Variants in COL22A1 observed in about 807,000 individuals in gnomAD.
COL22A1 encodes the protein collagen type XXII alpha 1 chain.
COL22A1 carries 221 observed loss-of-function variants against 248.9 expected under a neutral mutation model. The observed-to-expected ratio is 0.89, with a 90% confidence interval of 0.80 to 0.99. The LOEUF is 0.99. Ranked by LOEUF, COL22A1 falls within the 50% of genes least tolerant of loss-of-function variation. The pLI is 0.00. For synonymous variants in COL22A1, 891 were observed against 793.4 expected, an observed-to-expected ratio of 1.12 and a Z score of -2.07; for missense variants, 2,240 against 2,179.0, an observed-to-expected ratio of 1.03 and a Z score of -0.56.
intron 12 of COL22A1, among the ~76,000 whole-genome samples, chr8:138,784,637 A>G (rs1234122083): frequency 6.6e-6 from 1 of 152,204 alleles, no homozygotes; most frequent in Non-Finnish European, 1.5e-5. Flanking sequence ...AATATTAATC[A>G]TAGTGTATTA....
chr8:138,608,123 A>G, intron 56 of COL22A1, 134 bp from the exon 57 acceptor site: 1 of 612,786 alleles, frequency 1.6e-6, no homozygotes, highest in East Asian at 2.9e-5. Context: ...CTCTCAGTCT[A>G]CCACTTCATT....
intron 30 of COL22A1, among the ~76,000 whole-genome samples, chr8:138,712,744 ACAGAGGGTACATGTTCTATCAG>A (rs1298136853): frequency 1.3e-5 from 2 of 151,132 alleles, no homozygotes; most frequent in South Asian, 2.1e-4. Flanking sequence ...TGTTCTACCA[ACAGAGGGTACATGTTCTATCAG>A]CAGAGGGTAC....
chr8:138,814,813 T>C (rs1818543302), intron 7 of COL22A1, among the ~76,000 whole-genome samples: 1 of 152,152 alleles, frequency 6.6e-6, no homozygotes, highest in Non-Finnish European at 1.5e-5. Flanking sequence ...GATAACTTGT[T>C]ACACAGCCAC....
intron 13 of COL22A1, 102 bp downstream of exon 13, chr8:138,780,825 T>C: frequency 1.1e-6 from 1 of 939,552 alleles, no homozygotes; most frequent in Non-Finnish European, 1.8e-6. Flanking sequence ...CACTCAAGTC[T>C]GGCCCTGGCA....
chr8:138,647,637 T>C (rs1267282073), intron 46 of COL22A1, among the ~76,000 whole-genome samples: 1 of 152,186 alleles, frequency 6.6e-6, no homozygotes, highest in African/African-American at 2.4e-5. Flanking sequence ...AGTTCTGTAA[T>C]ACCTGGAGTG....
At chr8:138,640,801 A>G (rs1457945058) in intron 47 of COL22A1, among the ~76,000 whole-genome samples, 3 of 152,138 alleles carry the variant, frequency 2.0e-5, no homozygotes, top group Non-Finnish European at 4.4e-5. Context: ...TCTTTTTCAG[A>G]TGAGGGACCC....
At chr8:138,876,416 C>T (rs1823721443) in intron 3 of COL22A1, among the ~76,000 whole-genome samples, 1 of 152,188 alleles carries the variant, frequency 6.6e-6, no homozygotes. Flanking sequence ...TTTTATGTGG[C>T]TTTCCTGCCT....
chr8:138,728,893 C>T (rs75612579), intron 23 of COL22A1, among the ~76,000 whole-genome samples: 1,573 of 152,174 alleles, frequency 0.01, 29 homozygotes, highest in African/African-American at 0.035. Flanking sequence ...TGATGAGCTG[C>T]CAGGTTTGGG....
chr8:138,797,125 T>C (rs1441924610), intron 11 of COL22A1, among the ~76,000 whole-genome samples: 1 of 152,228 alleles, frequency 6.6e-6, no homozygotes, highest in African/African-American at 2.4e-5. Flanking sequence ...GCATACCATA[T>C]AATTCACCTA....
intron 47 of COL22A1, among the ~76,000 whole-genome samples, chr8:138,641,754 T>C (rs1821730000): frequency 1.3e-5 from 2 of 152,296 alleles, no homozygotes; most frequent in Non-Finnish European, 2.9e-5. Flanking sequence ...CTCTTGGCAG[T>C]GCAGGAGACC....
chr8:138,902,622 C>T lies in COL22A1; in HGVS notation c.-73+10997G>A, dbSNP rs550485338. ...TCGGGAGGTTGAGGCAAGAGAATGG[C>T]GTGAACCTGGGAGGCAGAGGTTGCA... On this transcript the variant is annotated intron_variant, in intron 1 of 64. Coordinates refer to ENST00000303045, the MANE Select transcript of COL22A1 (RefSeq NM_152888.3). Among the ~76,000 whole-genome samples, 12 of 151,554 alleles carry T rather than the reference C, an allele frequency of 7.9e-5. 1 individual carries two copies. Among genetic ancestry groups the T allele is most frequent in the African/African-American group, 1.2e-4 (5 of 41,272 alleles).
chr8:138,901,213 C>T (rs1051540276), intron 1 of COL22A1, among the ~76,000 whole-genome samples: 6 of 151,348 alleles, frequency 4.0e-5, no homozygotes, highest in Non-Finnish European at 7.4e-5. Context: ...TTGGGGGACA[C>T]TTGAACTGAG....
At chr8:138,872,891 G>A (rs538017807) in intron 3 of COL22A1, among the ~76,000 whole-genome samples, 47 of 152,206 alleles carry the variant, frequency 3.1e-4, no homozygotes, top group Non-Finnish European at 4.3e-4. Flanking sequence ...TGTTACTGTT[G>A]TTATTCCACT....
At chr8:138,781,047 G>A in intron 12 of COL22A1, 67 bp from the exon 13 acceptor site, 1 of 1,160,224 alleles carries the variant, frequency 8.6e-7, no homozygotes, top group Non-Finnish European at 1.2e-6. Context: ...GAATGCTAGT[G>A]CAGTGGAGAA....
In COL22A1 at chr8:138,694,499, T is replaced by C; in HGVS notation, c.2700+9A>G. On this transcript the variant is annotated intron_variant, in intron 34 of 64. Transcript: ENST00000303045. ...TCTGAGCCAGCAGGGGAAGGGATGG[T>C]TTTCTTACCGGTGGTCCAGTGGGTC... 5 of 1,613,608 alleles carry C rather than the reference T, an allele frequency of 3.1e-6. No individual in the cohort carries two copies. The highest frequency in any genetic ancestry group is 4.2e-6 in the Non-Finnish European group (5 of 1,179,760).
intron 4 of COL22A1, among the ~76,000 whole-genome samples, chr8:138,838,575 T>C (rs564467856): frequency 5.3e-5 from 8 of 151,326 alleles, no homozygotes; most frequent in African/African-American, 1.7e-4. Context: ...TACTTTCTGG[T>C]TCCACTTTTA....
chr8:138,899,126 C>T (rs1432909005), intron 1 of COL22A1, among the ~76,000 whole-genome samples: 2 of 152,142 alleles, frequency 1.3e-5, no homozygotes, highest in African/African-American at 2.4e-5. Flanking sequence ...TCTTCTTCTT[C>T]CTCTTCCCCC....
Position 138,608,337 on chromosome 8 carries a change from A to C in COL22A1, c.3979-348T>G, listed in dbSNP as rs762457773. Among the ~76,000 whole-genome samples, 200 of 152,330 alleles carry C rather than the reference A, an allele frequency of 1.3e-3. 5 individuals carry two copies. Among genetic ancestry groups the C allele is most frequent in the Middle Eastern group, 3.4e-3 (1 of 294 alleles). On this transcript the variant is annotated intron_variant, in intron 56 of 64. Coordinates refer to ENST00000303045, the MANE Select transcript of COL22A1 (RefSeq NM_152888.3). The stretch of plus-strand genomic sequence containing the variant: ...TCAGTTGCTGTGTTGAAGAACAAAC[A>C]AACCATCTAATACAACCCAGCTTAC...
chr8:138,660,836 AC>A (rs1823782205), intron 43 of COL22A1, among the ~76,000 whole-genome samples: 1 of 144,928 alleles, frequency 6.9e-6, no homozygotes. Flanking sequence ...ACATACACAC[AC>A]AGACACACAC....
Sources: allele counts gnomAD v4.1 joint callset (sites outside exome capture counted in the v4.1 genomes callset), GRCh38; gene constraint gnomAD v4.1.1; transcripts MANE v1.5; gene names NCBI Gene and HGNC (gene_info 2026-07-23, HGNC 2026-07-21).